Variants in TSHZ2 observed in about 807,000 individuals in gnomAD.
The protein encoded by TSHZ2 is teashirt zinc finger homeobox 2, also known as teashirt homolog 2.
In TSHZ2, 21 loss-of-function variants were observed where a neutral mutation model predicts 74.4. The ratio of observed to expected loss-of-function variants is 0.28; its 90% CI spans 0.20 to 0.41. The LOEUF (loss-of-function observed/expected upper bound fraction) is 0.41, where lower values mean the gene tolerates loss of function less well. Ranked by LOEUF, TSHZ2 falls within the 10% of genes least tolerant of loss-of-function variation. TSHZ2 has a pLI of 1.00. For synonymous variants in TSHZ2, 540 were observed against 515.3 expected, an observed-to-expected ratio of 1.05 and a Z score of -0.65; for missense variants, 1,244 against 1,293.5, an observed-to-expected ratio of 0.96 and a Z score of 0.59.
intron 2 of TSHZ2, among the ~76,000 whole-genome samples, chr20:53,457,544 CT>C (rs1985150547): frequency 7.8e-6 from 1 of 128,364 alleles, no homozygotes; most frequent in African/African-American, 3.1e-5. Context: ...ATTGAATACC[CT>C]TTATTTCCTT....
chr20:53,415,973 A>T (rs572093509), intron 2 of TSHZ2, among the ~76,000 whole-genome samples: 2 of 152,338 alleles, frequency 1.3e-5, no homozygotes, highest in South Asian at 4.1e-4. Flanking sequence ...GTGTATATGT[A>T]CATCCTGGTG....
chr20:53,191,080 G>A (rs190120434), intron 1 of TSHZ2, among the ~76,000 whole-genome samples: 81 of 152,266 alleles, frequency 5.3e-4, no homozygotes, highest in African/African-American at 1.9e-3. Context: ...CGTCCTTGCT[G>A]TATATCTCAT....
chr20:53,285,796 C>T (rs1364355888), intron 2 of TSHZ2, among the ~76,000 whole-genome samples: 1 of 151,940 alleles, frequency 6.6e-6, no homozygotes, highest in African/African-American at 2.4e-5. Flanking sequence ...ATGTTCTGAG[C>T]CATTAGGGTT....
In TSHZ2 at chr20:52,972,946, C is replaced by CAAAA. The variant is rs560692751; in HGVS notation, c.-337_-334dup. 6 of 174,118 alleles carry CAAAA rather than the reference C, an allele frequency of 3.4e-5. No homozygotes were observed. The highest frequency in any genetic ancestry group is 7.7e-5 in the African/African-American group (2 of 26,016). 10.8% of individuals were successfully genotyped at this position (174,118 alleles called of 1,614,324 possible). A position where few individuals can be genotyped will look rare whatever the true frequency, so the allele number is the denominator to read the frequency against. On this transcript the variant is annotated 5_prime_UTR_variant, in exon 1 of 3. It introduces an in-frame stop codon into an upstream open reading frame of the 5' UTR. Coordinates refer to ENST00000371497, the MANE Select transcript of TSHZ2 (RefSeq NM_173485.6). ...AGAAATCAAGTGTCTCAACAGTCAC[C>CAAAA]AAAAAAAAAAAAAACCGCAAAAACA...
At chr20:53,122,132 C>A (rs1169746859) in intron 1 of TSHZ2, among the ~76,000 whole-genome samples, 3 of 151,640 alleles carry the variant, frequency 2.0e-5, no homozygotes, top group African/African-American at 7.3e-5. Flanking sequence ...ACCAAAAACA[C>A]AAAAAATTAG....
At chr20:53,273,178 T>A (rs1035210802) in intron 2 of TSHZ2, among the ~76,000 whole-genome samples, 1 of 152,218 alleles carries the variant, frequency 6.6e-6, no homozygotes, top group African/African-American at 2.4e-5. Context: ...CTAAGAACTT[T>A]GGATTTTTTG....
chr20:53,304,196 C>A (rs1332784374), intron 2 of TSHZ2, among the ~76,000 whole-genome samples: 1 of 123,818 alleles, frequency 8.1e-6, no homozygotes, highest in Non-Finnish European at 1.6e-5. Context: ...CCCCTCCCCC[C>A]ACCCCACAAC....
chr20:53,278,800 T>C (rs1201489131), intron 2 of TSHZ2, among the ~76,000 whole-genome samples: 3 of 152,204 alleles, frequency 2.0e-5, no homozygotes, highest in Non-Finnish European at 4.4e-5. Flanking sequence ...ATTTTCAGCA[T>C]TGTGGGCCAT....
intron 1 of TSHZ2, among the ~76,000 whole-genome samples, chr20:53,190,750 G>A (rs948662286): frequency 7.2e-5 from 11 of 152,078 alleles, no homozygotes; most frequent in African/African-American, 1.4e-4. Flanking sequence ...GCTGAACACC[G>A]GATTTCAAAC....
chr20:53,021,010 G>A (rs751058832), intron 1 of TSHZ2, among the ~76,000 whole-genome samples: 2 of 152,168 alleles, frequency 1.3e-5, no homozygotes, highest in Non-Finnish European at 1.5e-5. Context: ...AGTAAGGCTT[G>A]TAAAGCACTT....
intron 2 of TSHZ2, among the ~76,000 whole-genome samples, chr20:53,368,092 C>T (rs1209379000): frequency 6.6e-6 from 1 of 152,090 alleles, no homozygotes; most frequent in East Asian, 1.9e-4. Context: ...CCCATGACAG[C>T]AGCTTGTAGA....
intron 2 of TSHZ2, among the ~76,000 whole-genome samples, chr20:53,362,685 T>C (rs1468543112): frequency 6.6e-6 from 1 of 152,178 alleles, no homozygotes; most frequent in Non-Finnish European, 1.5e-5. Context: ...ACATTCAGTG[T>C]TTCTATGTAT....
intron 2 of TSHZ2, among the ~76,000 whole-genome samples, chr20:53,441,658 C>T (rs1286593597): frequency 1.3e-5 from 2 of 151,600 alleles, no homozygotes; most frequent in African/African-American, 4.9e-5. Context: ...TCTCAGCTCA[C>T]TGCAACCCCT....
chr20:52,992,975 G>A (rs931170643), intron 1 of TSHZ2, among the ~76,000 whole-genome samples: 6 of 152,062 alleles, frequency 3.9e-5, no homozygotes, highest in African/African-American at 1.2e-4. Context: ...GTGCCCTCTC[G>A]ATTGGAATTT....
intron 2 of TSHZ2, among the ~76,000 whole-genome samples, chr20:53,317,781 C>T (rs1240165720): frequency 1.3e-5 from 2 of 152,182 alleles, no homozygotes; most frequent in South Asian, 2.1e-4. Flanking sequence ...CGATCAAAAA[C>T]CCTCTTTTTG....
At chr20:53,435,345 G>A (rs1984007490) in intron 2 of TSHZ2, among the ~76,000 whole-genome samples, 1 of 152,096 alleles carries the variant, frequency 6.6e-6, no homozygotes, top group Non-Finnish European at 1.5e-5. Context: ...AGGACAAGAG[G>A]GTGATTTGGA....
At chr20:53,448,127 A>G (rs1332144109) in intron 2 of TSHZ2, among the ~76,000 whole-genome samples, 2 of 151,984 alleles carry the variant, frequency 1.3e-5, no homozygotes, top group African/African-American at 4.8e-5. Context: ...GTTAGCCAGG[A>G]TGGTCTCGAT....
At chr20:53,278,025 A>G (rs1203207096) in intron 2 of TSHZ2, among the ~76,000 whole-genome samples, 2 of 152,276 alleles carry the variant, frequency 1.3e-5, no homozygotes, top group East Asian at 1.9e-4. Flanking sequence ...GAACTTCCAG[A>G]TTAAGTCATA....
intron 1 of TSHZ2, among the ~76,000 whole-genome samples, chr20:53,138,331 C>CAG (rs1568777829): frequency 6.7e-6 from 1 of 149,908 alleles, no homozygotes; most frequent in Non-Finnish European, 1.5e-5. Context: ...TTGCAGTGAG[C>CAG]AGAGATCAAG....
Sources: gnomAD v4.1 joint callset for allele counts (sites outside exome capture counted in the v4.1 genomes callset) on GRCh38, gnomAD v4.1.1 for gene constraint, MANE v1.5 for transcripts, NCBI Gene and HGNC (gene_info 2026-07-23, HGNC 2026-07-21) for gene names.